The following CPAMD8 variants were observed in gnomAD, a reference collection of about 807,000 sequenced individuals.
CPAMD8 encodes the protein C3 and PZP like alpha-2-macroglobulin domain containing 8.
CPAMD8 carries 146 observed loss-of-function variants against 224.7 expected under a neutral mutation model. That is an observed-to-expected ratio of 0.65 (90% CI 0.57 to 0.75). The LOEUF is 0.75. Among genes scored for constraint, CPAMD8 ranks in the 30% least tolerant of loss-of-function variants. CPAMD8 has a pLI of 0.00. For missense variants in CPAMD8, 2,301 were observed against 2,537.5 expected, an observed-to-expected ratio of 0.91 and a Z score of 2.00; for synonymous variants, 966 against 1,044.6, an observed-to-expected ratio of 0.92 and a Z score of 1.45.
intron 3 of CPAMD8, among the ~76,000 whole-genome samples, chr19:17,016,103 C>T (rs1357802007): frequency 4.6e-5 from 7 of 152,064 alleles, no homozygotes; most frequent in Non-Finnish European, 7.4e-5. Context: ...GCCACCATGC[C>T]CGGCTAATTT....
intron 11 of CPAMD8, 80 bp downstream of exon 11, chr19:16,997,031 C>G (rs1351641315): frequency 1.1e-6 from 1 of 879,380 alleles, no homozygotes; most frequent in Non-Finnish European, 1.9e-6. Context: ...AGCTGAGTCA[C>G]CACTGCAGAG....
At chr19:16,894,472 G>A (rs193040300) in intron 41 of CPAMD8, 32 of 456,588 alleles carry the variant, frequency 7.0e-5, no homozygotes, top group African/African-American at 1.8e-4. Context: ...CTATGGGGCC[G>A]CCAGGACTTC....
chr19:16,994,731 G>A (rs1203221385), intron 11 of CPAMD8, among the ~76,000 whole-genome samples: 2 of 151,962 alleles, frequency 1.3e-5, no homozygotes, highest in Non-Finnish European at 1.5e-5. Context: ...TATTGCCCAG[G>A]CTGGTCTCAA....
intron 23 of CPAMD8, among the ~76,000 whole-genome samples, chr19:16,936,125 A>G (rs2053676029): frequency 6.6e-6 from 1 of 151,920 alleles, no homozygotes; most frequent in Non-Finnish European, 1.5e-5. Flanking sequence ...ACAGGGTCTC[A>G]TCATGTTGGC....
At chr19:16,985,366 G>GGATGGATGGATGGAT (rs1568564010) in intron 13 of CPAMD8, among the ~76,000 whole-genome samples, 36 of 71,120 alleles carry the variant, frequency 5.1e-4, no homozygotes, top group African/African-American at 3.7e-3. Context: ...GATGGATGGA[G>GGATGGATGGATGGAT]GGTAGATAAA....
At chr19:17,001,808 G>A (rs73018321) in intron 9 of CPAMD8, among the ~76,000 whole-genome samples, 1,554 of 151,624 alleles carry the variant, frequency 0.01, 9 homozygotes, top group Non-Finnish European at 0.017. Flanking sequence ...GCAGAGGAGG[G>A]GCCCAGGGGG....
At chr19:16,973,011 C>T (rs372667088) in intron 17 of CPAMD8, among the ~76,000 whole-genome samples, 10 of 151,630 alleles carry the variant, frequency 6.6e-5, no homozygotes, top group Non-Finnish European at 1.3e-4. Flanking sequence ...TCTATAAATA[C>T]GAAAAAAATT....
At chr19:16,927,913 G>A (rs1197445119) in intron 25 of CPAMD8, 96 bp downstream of exon 25, 1 of 898,100 alleles carries the variant, frequency 1.1e-6, no homozygotes, top group African/African-American at 1.6e-5. Flanking sequence ...CCAAGACACA[G>A]GTCCCCAGCA....
Position 16,896,294 on chromosome 19 carries a change from A to G in CPAMD8, c.5308T>C (p.Tyr1770His). 1.2e-6 allele frequency: 2 copies of G among 1,612,070 alleles called. No homozygotes were observed. The highest frequency in any genetic ancestry group is 1.7e-6 in the Non-Finnish European group (2 of 1,179,466). ...GCCACAGAAGCCAGGTCATCCCCGT[A>G]GGTGGAGGACGACGAGGCCGGCAGC... Reference protein sequence around the residue: ...QRLPASSSSTYGDDLASVAPG... With the variant: ...QRLPASSSSTHGDDLASVAPG... The change falls in exon 41 of 42, where the codon TAC becomes CAC. Residue 1770 changes from tyrosine to histidine, a missense_variant. Tyr to His is a moderately conservative substitution (Grantham distance 83). Transcript: ENST00000443236.
rs924460075 is a variant in CPAMD8, at chr19:16,956,817, G to A, written c.2276+1036C>T. On this transcript the variant is annotated intron_variant, in intron 19 of 41. Coordinates refer to ENST00000443236, the MANE Select transcript of CPAMD8 (RefSeq NM_015692.5). ...CGAGTAGCTGGGACTACAGGCGCCC[G>A]CCACCATGCCCAGCTATTTTTTGCG... Among the ~76,000 whole-genome samples, 3 of 151,658 alleles carry A rather than the reference G, an allele frequency of 2.0e-5. No homozygotes were observed. The East Asian group carries it at 5.8e-4, about 30-fold the overall frequency.
intron 19 of CPAMD8, among the ~76,000 whole-genome samples, chr19:16,953,662 A>C (rs2054370842): frequency 6.6e-6 from 1 of 151,738 alleles, no homozygotes; most frequent in Non-Finnish European, 1.5e-5. Flanking sequence ...CAAAAAAAAA[A>C]AAAAAAAAGG....
At chr19:16,980,708 G>T in intron 13 of CPAMD8, 22 bp from the exon 14 acceptor site, 1 of 1,508,438 alleles carries the variant, frequency 6.6e-7, no homozygotes, top group South Asian at 1.3e-5. Context: ...ACGCAGCATG[G>T]GGGGCTCTGC....
intron 27 of CPAMD8, among the ~76,000 whole-genome samples, chr19:16,916,910 AC>A (rs1288061376): frequency 6.6e-6 from 1 of 151,918 alleles, no homozygotes; most frequent in Non-Finnish European, 1.5e-5. Context: ...CCACCCCATT[AC>A]CAGCTATGCA....
intron 28 of CPAMD8, 35 bp downstream of exon 28, chr19:16,914,622 A>C: frequency 1.9e-6 from 3 of 1,613,404 alleles, no homozygotes; most frequent in Non-Finnish European, 2.5e-6. Context: ...GGAGGAGGTG[A>C]GGGGCCCGGG....
chr19:16,991,947 T>C (rs931154087), intron 12 of CPAMD8, among the ~76,000 whole-genome samples: 1 of 151,952 alleles, frequency 6.6e-6, no homozygotes, highest in African/African-American at 2.4e-5. Context: ...CGTGAACCCA[T>C]CTGGCTGTGA....
At chr19:17,007,107 G>A (rs1599897165) in intron 7 of CPAMD8, among the ~76,000 whole-genome samples, 2 of 152,038 alleles carry the variant, frequency 1.3e-5, no homozygotes, top group East Asian at 3.9e-4. Flanking sequence ...GCCGAGGCGG[G>A]CGGATCACCT....
intron 13 of CPAMD8, among the ~76,000 whole-genome samples, chr19:16,986,275 G>T (rs149368534): frequency 2.4e-3 from 361 of 152,238 alleles, no homozygotes; most frequent in South Asian, 7.3e-3. Context: ...CCCTGAGGTT[G>T]TGCCCGGGCC....
At chr19:16,922,225 AT>A (rs1464582662) in intron 26 of CPAMD8, among the ~76,000 whole-genome samples, 2 of 151,436 alleles carry the variant, frequency 1.3e-5, no homozygotes, top group African/African-American at 4.9e-5. Flanking sequence ...TTTATACCAC[AT>A]TTGGAGTCCC....
chr19:16,937,673 G>A (rs113590065), intron 23 of CPAMD8, among the ~76,000 whole-genome samples: 113 of 121,704 alleles, frequency 9.3e-4, no homozygotes, highest in African/African-American at 3.3e-3. Context: ...TTTTTTTTGA[G>A]TTGGAGTCTC....
Sources: gnomAD v4.1 joint callset for allele counts (sites outside exome capture counted in the v4.1 genomes callset) on GRCh38, gnomAD v4.1.1 for gene constraint, MANE v1.5 for transcripts, NCBI Gene and HGNC (gene_info 2026-07-23, HGNC 2026-07-21) for gene names.